SPTBN4: variants seen among roughly 807,000 people sequenced by gnomAD.
SPTBN4 encodes spectrin beta, non-erythrocytic 4.
In SPTBN4, 96 loss-of-function variants were observed where a neutral mutation model predicts 277.8. The ratio of observed to expected loss-of-function variants is 0.35; its 90% CI spans 0.29 to 0.41. SPTBN4 has a LOEUF of 0.41. Among genes scored for constraint, SPTBN4 ranks in the 10% least tolerant of loss-of-function variants. The probability of loss-of-function intolerance (pLI) is 1.00; values close to 1 mark genes in which losing one functional copy is unlikely to be tolerated. For synonymous variants in SPTBN4, 1,481 were observed against 1,580.3 expected (o/e 0.94, Z 1.49); for missense variants, 3,006 against 3,595.7 (o/e 0.84, Z 4.19).
At chr19:40,500,039 T>C (rs2080245920) in intron 7 of SPTBN4, among the ~76,000 whole-genome samples, 1 of 68,068 alleles carries the variant, frequency 1.5e-5, no homozygotes, top group Non-Finnish European at 2.9e-5. Context: ...GGCCAGAAGT[T>C]CAGGACCAGC....
Position 40,517,077 on chromosome 19 carries a change from C to G in SPTBN4, c.2903+1629C>G, listed in dbSNP as rs561942765. Among the ~76,000 whole-genome samples, 39 of 152,272 alleles carry G rather than the reference C, an allele frequency of 2.6e-4. No individual in the cohort carries two copies. In the South Asian group the frequency reaches 7.9e-3, roughly 31 times the overall value. ...GATTACTCAGTCTATAAGTAGGAGT[C>G]AAATACAGTTCTGGCTGAATCCTGA... On this transcript the variant is annotated intron_variant, in intron 15 of 35. Transcript: ENST00000598249.
intron 13 of SPTBN4, among the ~76,000 whole-genome samples, chr19:40,512,070 C>T (rs1385207406): frequency 6.6e-6 from 1 of 152,178 alleles, no homozygotes; most frequent in African/African-American, 2.4e-5. Flanking sequence ...TTGCAGTGAA[C>T]CGAGATCGCG....
intron 17 of SPTBN4, among the ~76,000 whole-genome samples, chr19:40,528,173 G>A (rs1052823462): frequency 6.6e-6 from 1 of 152,094 alleles, no homozygotes. Flanking sequence ...CTCCCTGGGG[G>A]AGACAGATAG....
chr19:40,519,908 G>A lies in SPTBN4; in HGVS notation c.3411G>A (p.Glu1137=), dbSNP rs1167331334. The part of the protein sequence containing the change: ...ALLARHAALK[E]EVDQREEDYA... ...TGGCGCGCCACGCTGCGCTCAAGGA[G>A]GAGGTGGACCAGCGCGAGGAAGACT... Residue 1137 remains glutamate (E), a synonymous_variant, in exon 16 of 36, where the codon GAG becomes GAA. Transcript: ENST00000598249. The surrounding 1 kb of genome is among the most constrained non-coding windows in gnomAD (Gnocchi z 5.7). The A allele has an allele frequency of 9.7e-6, 15 of 1,551,238 alleles. No homozygotes were observed. The highest frequency in any genetic ancestry group is 7.3e-5 in the East Asian group (3 of 41,034).
chr19:40,568,572 C>T (rs1354223829), intron 31 of SPTBN4, among the ~76,000 whole-genome samples: 1 of 152,210 alleles, frequency 6.6e-6, no homozygotes, highest in African/African-American at 2.4e-5. Context: ...CTCCCGGGTG[C>T]CCCGAGGCAG....
intron 2 of SPTBN4, among the ~76,000 whole-genome samples, chr19:40,481,588 G>A (rs1338212647): frequency 1.3e-5 from 2 of 152,102 alleles, no homozygotes; most frequent in Non-Finnish European, 2.9e-5. Context: ...CAATTCTCCT[G>A]TGTCAGCCTC....
chr19:40,491,809 G>A (rs145351955), intron 4 of SPTBN4, among the ~76,000 whole-genome samples: 4,559 of 148,788 alleles, frequency 0.031, 217 homozygotes, highest in African/African-American at 0.1. Flanking sequence ...GATCACCTGA[G>A]GTCAGGAGTT....
chr19:40,553,914 T>C (rs2080945812), intron 22 of SPTBN4, among the ~76,000 whole-genome samples: 1 of 152,234 alleles, frequency 6.6e-6, no homozygotes, highest in African/African-American at 2.4e-5. Flanking sequence ...CTGCTTGTTC[T>C]TGGGCGCCGT....
chr19:40,552,294 A>G (rs370783483), intron 22 of SPTBN4, among the ~76,000 whole-genome samples: 6 of 151,696 alleles, frequency 4.0e-5, no homozygotes, highest in African/African-American at 1.4e-4. Flanking sequence ...TCTCTACTAA[A>G]AACACAAAAA....
intron 30 of SPTBN4, 129 bp from the exon 31 acceptor site, chr19:40,567,534 A>G (rs1017314645): frequency 7.8e-6 from 7 of 899,316 alleles, no homozygotes; most frequent in Non-Finnish European, 1.1e-5. Flanking sequence ...AGGCCTGGAC[A>G]CCTTGCTTTT....
At chr19:40,483,881 G>T (rs148220765) in intron 2 of SPTBN4, among the ~76,000 whole-genome samples, 274 of 152,230 alleles carry the variant, frequency 1.8e-3, no homozygotes, top group African/African-American at 6.4e-3. Flanking sequence ...CCCCTCTCGG[G>T]ACCCCGGTTT....
intron 2 of SPTBN4, 57 bp from the exon 3 acceptor site, chr19:40,487,640 C>T: frequency 6.4e-7 from 1 of 1,559,238 alleles, no homozygotes. Flanking sequence ...GCTTGGCTCG[C>T]GGAGGGCTGG....
chr19:40,520,148 C>G lies in SPTBN4; in HGVS notation c.3651C>G (p.Asn1217Lys). 3 of 1,422,468 alleles carry G rather than the reference C, an allele frequency of 2.1e-6. No individual in the cohort carries two copies. The highest frequency in any genetic ancestry group is 2.8e-6 in the Non-Finnish European group (3 of 1,088,232). 88.1% of individuals were successfully genotyped at this position (1,422,468 alleles called of 1,614,324 possible). A position where few individuals can be genotyped will look rare whatever the true frequency, so the allele number is the denominator to read the frequency against. ...GCCAGGCGCTCGTGGTGCTGCGTAA[C>G]CAGGTGCCCACTCGGGGTGTACATT... is the stretch of plus-strand genomic sequence containing the variant. Reference protein sequence around the residue: ...DLRQALVVLRNQEMALSGAEL... With the variant: ...DLRQALVVLRKQEMALSGAEL... Residue 1217 changes from asparagine to lysine, a missense_variant, in exon 16 of 36, where the codon AAC (asparagine) becomes AAG (lysine). By Grantham distance (94) the Asn-to-Lys change is moderately conservative. This residue lies in a region of SPTBN4 where 1,759 missense variants were observed against 2,061.5 expected (regional missense o/e 0.85). Transcript: ENST00000598249.
In SPTBN4 at chr19:40,538,184, T is replaced by C. The variant is rs550271618; in HGVS notation, c.4359+3841T>C. Among the ~76,000 whole-genome samples the C allele has an allele frequency of 4.2e-3, 516 of 123,718 alleles. 5 individuals carry two copies. Among genetic ancestry groups the C allele is most frequent in the African/African-American group, 0.016 (505 of 32,536 alleles). The allele number at this position is 123,718 out of a possible 152,430, so 81.2% of individuals were successfully genotyped here. The stretch of plus-strand genomic sequence containing the variant: ...CGGGTGGTTCACTTGAGATCAGGAA[T>C]TCAAGACCAACCTGGGCAACATGGC... On this transcript the variant is annotated intron_variant, in intron 20 of 35. Coordinates refer to ENST00000598249, the MANE Select transcript of SPTBN4 (RefSeq NM_020971.3).
At chr19:40,518,047 T>G (rs1483535450) in intron 15 of SPTBN4, among the ~76,000 whole-genome samples, 1 of 152,226 alleles carries the variant, frequency 6.6e-6, no homozygotes, top group African/African-American at 2.4e-5. Context: ...GGCTCACGCC[T>G]GTAATCCTAG....
At chr19:40,551,695 A>G (rs1057475275) in intron 22 of SPTBN4, among the ~76,000 whole-genome samples, 1 of 152,248 alleles carries the variant, frequency 6.6e-6, no homozygotes, top group African/African-American at 2.4e-5. Flanking sequence ...AAGAGGAATA[A>G]TAATAATAAG....
Position 40,560,409 on chromosome 19 carries a change from C to T in SPTBN4, c.5915+6C>T, listed in dbSNP as rs2081030401. ...GGGGCAGCCGACAAGCCCAGGTGCC[C>T]CTCATCCCTCCTCGGGCTTCCTGCC... is the stretch of plus-strand genomic sequence containing the variant. On this transcript the variant is annotated splice_donor_region_variant and intron_variant, in intron 27 of 35. Coordinates refer to ENST00000598249, the MANE Select transcript of SPTBN4 (RefSeq NM_020971.3). This position sits in a 1 kb window ranked among gnomAD's most constrained non-coding sequence, Gnocchi z 5.2. The T allele has an allele frequency of 6.2e-7, 1 of 1,613,868 alleles. No individual in the cohort carries two copies. The highest frequency in any genetic ancestry group is 8.5e-7 in the Non-Finnish European group (1 of 1,180,010).
Position 40,519,807 on chromosome 19 carries a change from C to A in SPTBN4, c.3310C>A (p.Leu1104Ile). 7.0e-7 allele frequency: 1 copy of A among 1,438,348 alleles called. No individual in the cohort carries two copies. The highest frequency in any genetic ancestry group is 1.5e-5 in the South Asian group (1 of 68,266). 89.1% of individuals were successfully genotyped at this position (1,438,348 alleles called of 1,614,324 possible). ...TGACCTCGACGCTTTCCTGGACTGG[C>A]TCGTGCGCGCCCAGGAGGCGGCGGG... ...LHDLDAFLDW[L>I]VRAQEAAGGS... is the part of the protein sequence containing the mutation. The change falls in exon 16 of 36, where the codon CTC becomes ATC. Residue 1104 changes from leucine (L) to isoleucine (I), a missense_variant. Around this residue, in one of 5 missense-constraint regions of SPTBN4, gnomAD observed 1,759 missense variants for 2,061.5 expected, o/e 0.85. Coordinates refer to ENST00000598249, the MANE Select transcript of SPTBN4 (RefSeq NM_020971.3). This position sits in a 1 kb window ranked among gnomAD's most constrained non-coding sequence, Gnocchi z 5.7.
chr19:40,567,282 G>C (rs573140566), intron 30 of SPTBN4: 1 of 165,300 alleles, frequency 6.0e-6, no homozygotes, highest in African/African-American at 2.5e-5. Flanking sequence ...CTGGGCGACA[G>C]AGCAAGACTG....
Sources: allele counts gnomAD v4.1 joint callset (sites outside exome capture counted in the v4.1 genomes callset), GRCh38; gene constraint gnomAD v4.1.1; regional missense constraint gnomAD v4.1.1; non-coding constraint Gnocchi (gnomAD v3.1); transcripts MANE v1.5; gene names NCBI Gene and HGNC (gene_info 2026-07-23, HGNC 2026-07-21).